Variants in LRBA observed in about 807,000 individuals in gnomAD.
The protein encoded by LRBA is LPS responsive beige-like anchor protein.
Under a neutral mutation model 330.0 loss-of-function variants are expected in LRBA, and 176 were observed. That is an observed-to-expected ratio of 0.53 (90% CI 0.47 to 0.60). The LOEUF is 0.60. Among genes scored for constraint, LRBA ranks in the 20% least tolerant of loss-of-function variants. LRBA has a pLI of 0.00. For synonymous variants in LRBA, 1,230 were observed against 1,193.0 expected (o/e 1.03, Z -0.64); for missense variants, 3,259 against 3,444.8 (o/e 0.95, Z 1.35).
At chr4:150,721,043 G>T in intron 36 of LRBA, 1 of 557,398 alleles carries the variant, frequency 1.8e-6, no homozygotes, top group South Asian at 1.4e-5. Flanking sequence ...AGGCGATCAA[G>T]GCCAACTATC....
chr4:150,868,258 G>A lies in LRBA; in HGVS notation c.2497C>T (p.Pro833Ser). Residue 833 changes from proline (P) to serine (S), a missense_variant, in exon 21 of 57, where the codon CCA becomes TCA. Transcript: ENST00000651943. ...ATLLRNSPQC[P>S]ESMEVRRAFL... ...GCTCTGCGAACCTCCATGCTCTCTG[G>A]GCACTGGGGAGAATTTCGAAGTAGG... 3 of 1,612,018 alleles carry A rather than the reference G, an allele frequency of 1.9e-6. No homozygotes were observed. Among genetic ancestry groups the A allele is most frequent in the South Asian group, 1.1e-5 (1 of 90,884 alleles).
At chr4:150,921,362 A>G (rs1245671764) in intron 4 of LRBA, 69 bp from the exon 5 acceptor site, 2 of 899,706 alleles carry the variant, frequency 2.2e-6, no homozygotes, top group Non-Finnish European at 3.7e-6. Context: ...CATCTTTAAT[A>G]TAGTCTTGCT....
chr4:150,939,092 T>C (rs1040063330), intron 2 of LRBA, among the ~76,000 whole-genome samples: 2 of 152,222 alleles, frequency 1.3e-5, no homozygotes, highest in Admixed American at 1.3e-4. Context: ...TCCCTGACTA[T>C]ATTCTTACTG....
intron 31 of LRBA, among the ~76,000 whole-genome samples, chr4:150,808,913 C>A (rs748680145): frequency 6.6e-6 from 1 of 152,136 alleles, no homozygotes; most frequent in Non-Finnish European, 1.5e-5. Flanking sequence ...CAACTATTAT[C>A]AGTTATTTTC....
intron 27 of LRBA, among the ~76,000 whole-genome samples, 175 bp downstream of exon 27, chr4:150,844,483 A>C (rs1458715284): frequency 3.3e-5 from 5 of 152,156 alleles, no homozygotes; most frequent in African/African-American, 1.2e-4. Flanking sequence ...GTTTAAATAT[A>C]AACAAATCTT....
Position 150,730,649 on chromosome 4 carries a change from C to T in LRBA, c.5754+4609G>A, listed in dbSNP as rs181622442. Among the ~76,000 whole-genome samples, 232 of 142,482 alleles carry T rather than the reference C, an allele frequency of 1.6e-3. 1 individual carries two copies. The highest frequency in any genetic ancestry group is 3.6e-3 in the Admixed American group (51 of 14,040). 93.5% of individuals were successfully genotyped at this position (142,482 alleles called of 152,430 possible). A position where few individuals can be genotyped will look rare whatever the true frequency, so the allele number is the denominator to read the frequency against. ...AGTGAGCCAAGATCGCATCACTGCACTCCAGCCTGCGTGACAGAGTGAGGC... is the reference window on the plus strand; with the variant it reads ...AGTGAGCCAAGATCGCATCACTGCATTCCAGCCTGCGTGACAGAGTGAGGC... On this transcript the variant is annotated intron_variant, in intron 36 of 56. Transcript: ENST00000651943.
In LRBA at chr4:150,928,508, T is replaced by A. The variant is rs758781622; in HGVS notation, c.549+8A>T. On this transcript the variant is annotated splice_region_variant and intron_variant, in intron 4 of 56. Transcript: ENST00000651943. ...TTAAAATACCAAAGAGTACTTAAGT[T>A]TTTTTACCCATCGTCCTTTATCTCC... The A allele has an allele frequency of 1.2e-6, 2 of 1,602,458 alleles. No individual in the cohort carries two copies. Among genetic ancestry groups the A allele is most frequent in the East Asian group, 4.5e-5 (2 of 44,762 alleles).
Position 150,487,001 on chromosome 4 carries a change from C to CAT in LRBA, c.6551+729_6551+730dup, listed in dbSNP as rs550285102. On this transcript the variant is annotated intron_variant, in intron 42 of 56. Coordinates refer to ENST00000651943, the MANE Select transcript of LRBA (RefSeq NM_001364905.1). ...TTAAAGACTGAGTAGCATTCCATTG[C>CAT]ATATATATACAACCAAAATTTCTTT... 5.1e-4 allele frequency among the ~76,000 whole-genome samples: 78 copies of CAT among 151,880 alleles called. 1 individual carries two copies. Among genetic ancestry groups the CAT allele is most frequent in the Middle Eastern group, 6.8e-3 (2 of 294 alleles).
intron 42 of LRBA, among the ~76,000 whole-genome samples, chr4:150,482,384 C>T (rs1424227619): frequency 6.6e-6 from 1 of 152,068 alleles, no homozygotes; most frequent in Non-Finnish European, 1.5e-5. Context: ...CTTTTTATTA[C>T]TAAGTACTAT....
chr4:150,716,206 T>C (rs1728183957), intron 36 of LRBA, among the ~76,000 whole-genome samples: 1 of 152,120 alleles, frequency 6.6e-6, no homozygotes, highest in Admixed American at 6.6e-5. Context: ...CCCAGCACTT[T>C]GGGAGGCCAA....
intron 53 of LRBA, among the ~76,000 whole-genome samples, chr4:150,295,293 C>T (rs1728841787): frequency 6.6e-6 from 1 of 150,738 alleles, no homozygotes; most frequent in Non-Finnish European, 1.5e-5. Context: ...CCTTGACCTC[C>T]CTGGGCTAAG....
At chr4:150,645,613 A>T (rs1015757895) in intron 37 of LRBA, among the ~76,000 whole-genome samples, 2 of 151,966 alleles carry the variant, frequency 1.3e-5, no homozygotes, top group Admixed American at 1.3e-4. Context: ...ATCAATTGCA[A>T]CTAATTAACC....
chr4:150,612,204 CA>C (rs111821270), intron 37 of LRBA, among the ~76,000 whole-genome samples: 115 of 150,506 alleles, frequency 7.6e-4, no homozygotes, highest in Admixed American at 1.3e-3. Context: ...AAGAAAAGAA[CA>C]AAAAAAAAGT....
Position 150,906,051 on chromosome 4 carries a change from C to T in LRBA, c.1603-61G>A, listed in dbSNP as rs1373484813. ...CAAGTCAAAGTAAGTGAATTACAGG[C>T]TGTCCCTACCAGGAAAAAAACTGGC... On this transcript the variant is annotated intron_variant, in intron 12 of 56. Coordinates refer to ENST00000651943, the MANE Select transcript of LRBA (RefSeq NM_001364905.1). The T allele has an allele frequency of 2.1e-6, 3 of 1,433,348 alleles. No individual in the cohort carries two copies. The East Asian group carries it at 6.9e-5, about 33-fold the overall frequency. The allele number at this position is 1,433,348 out of a possible 1,614,324, so 88.8% of individuals were successfully genotyped here. A position where few individuals can be genotyped will look rare whatever the true frequency, so the allele number is the denominator to read the frequency against.
chr4:150,682,388 T>A (rs1210797587), intron 37 of LRBA, among the ~76,000 whole-genome samples: 2 of 152,166 alleles, frequency 1.3e-5, no homozygotes, highest in Non-Finnish European at 2.9e-5. Context: ...TCAACTGAAA[T>A]AACATTAAAA....
intron 34 of LRBA, among the ~76,000 whole-genome samples, chr4:150,773,737 G>A (rs1330105911): frequency 2.0e-5 from 3 of 152,208 alleles, no homozygotes; most frequent in Non-Finnish European, 4.4e-5. Flanking sequence ...TGGAGACACT[G>A]CCAATTTCTG....
chr4:150,623,248 T>C (rs1218598851), intron 37 of LRBA, among the ~76,000 whole-genome samples: 2 of 152,212 alleles, frequency 1.3e-5, no homozygotes, highest in Non-Finnish European at 1.5e-5. Context: ...AAAATTTGTA[T>C]TGCAAATAAC....
chr4:150,326,951 C>T (rs776846686), intron 48 of LRBA, among the ~76,000 whole-genome samples: 1 of 152,042 alleles, frequency 6.6e-6, no homozygotes, highest in Non-Finnish European at 1.5e-5. Flanking sequence ...AGAACATCAT[C>T]TCAAATATTT....
intron 40 of LRBA, among the ~76,000 whole-genome samples, chr4:150,513,982 G>C (rs1326411218): frequency 6.6e-6 from 1 of 152,148 alleles, no homozygotes; most frequent in East Asian, 1.9e-4. Flanking sequence ...CCTAACCTTT[G>C]TCCTATGTCT....
Sources: gnomAD v4.1 joint callset for allele counts (sites outside exome capture counted in the v4.1 genomes callset) on GRCh38, gnomAD v4.1.1 for gene constraint, MANE v1.5 for transcripts, NCBI Gene and HGNC (gene_info 2026-07-23, HGNC 2026-07-21) for gene names.